Variants in FTO observed in about 807,000 individuals in gnomAD.
FTO encodes the protein alpha-ketoglutarate-dependent dioxygenase FTO.
FTO carries 47 observed loss-of-function variants against 63.9 expected under a neutral mutation model. The observed-to-expected ratio is 0.74, with a 90% CI of 0.58 to 0.94. The LOEUF (loss-of-function observed/expected upper bound fraction) is 0.94, where lower values mean the gene tolerates loss of function less well. Among genes scored for constraint, FTO ranks in the 40% least tolerant of loss-of-function variants. FTO has a pLI of 0.00. For synonymous variants in FTO, 207 were observed against 224.4 expected, an observed-to-expected ratio of 0.92 and a Z score of 0.69; for missense variants, 562 against 618.1, an observed-to-expected ratio of 0.91 and a Z score of 0.96.
At chr16:53,931,242 T>C (rs959335112) in intron 7 of FTO, among the ~76,000 whole-genome samples, 2 of 152,130 alleles carry the variant, frequency 1.3e-5, no homozygotes, top group Admixed American at 1.3e-4. Context: ...ATTTGATGCA[T>C]TTTTGCATTT....
chr16:53,913,261 C>T (rs1683496175), intron 7 of FTO, among the ~76,000 whole-genome samples: 1 of 152,200 alleles, frequency 6.6e-6, no homozygotes, highest in South Asian at 2.1e-4. Context: ...GGATCATCTC[C>T]AGCAGCTTTG....
intron 1 of FTO, among the ~76,000 whole-genome samples, chr16:53,738,273 C>T (rs1314354692): frequency 6.6e-6 from 1 of 152,146 alleles, no homozygotes; most frequent in Admixed American, 6.5e-5. Flanking sequence ...CTGCCCACCT[C>T]AGCTTCCCAA....
In FTO at chr16:53,934,092, G is replaced by A. The variant is rs2082337419; in HGVS notation, c.1347G>A (p.Arg449=). The stretch of plus-strand genomic sequence containing the variant: ...CGCTCACTGCACGCCAGAACCTGAG[G>A]AGAGAATGGCATGCCAGGTTAGTTC... The part of the protein sequence containing the change: ...LASLTARQNL[R]REWHARCQSR... Residue 449 remains arginine (R), a synonymous_variant, in exon 8 of 9, where the codon AGG becomes AGA. Transcript: ENST00000471389. 7.4e-6 allele frequency: 12 copies of A among 1,614,174 alleles called. No homozygotes were observed. The highest frequency in any genetic ancestry group is 1.0e-5 in the Non-Finnish European group (12 of 1,179,998).
At chr16:53,857,877 C>G (rs950722885) in intron 4 of FTO, among the ~76,000 whole-genome samples, 1 of 152,218 alleles carries the variant, frequency 6.6e-6, no homozygotes, top group East Asian at 1.9e-4. Context: ...TACAAGGAGA[C>G]AAGTGCTATT....
chr16:53,857,327 A>G (rs1218871017), intron 4 of FTO, among the ~76,000 whole-genome samples: 1 of 152,018 alleles, frequency 6.6e-6, no homozygotes, highest in Non-Finnish European at 1.5e-5. Flanking sequence ...ATAAGAGAGA[A>G]CGTGCAGTAT....
chr16:54,016,241 C>T (rs867128765), intron 8 of FTO, among the ~76,000 whole-genome samples: 2 of 147,584 alleles, frequency 1.4e-5, no homozygotes, highest in Middle Eastern at 7.2e-3. Context: ...TGTCTGCCAA[C>T]ATGACAAACC....
chr16:54,095,530 G>A (rs2086497066), intron 8 of FTO, among the ~76,000 whole-genome samples: 1 of 142,848 alleles, frequency 7.0e-6, no homozygotes, highest in South Asian at 2.5e-4. Context: ...TACATTGTGT[G>A]GCAGGCAGAG....
chr16:53,955,761 A>T (rs16952686), intron 8 of FTO, among the ~76,000 whole-genome samples: 1 of 152,146 alleles, frequency 6.6e-6, no homozygotes, highest in African/African-American at 2.4e-5. Context: ...AACATTGACC[A>T]TAAGTACATC....
intron 8 of FTO, 75 bp downstream of exon 8, chr16:53,934,184 G>A: frequency 6.6e-6 from 10 of 1,515,918 alleles, no homozygotes; most frequent in Non-Finnish European, 9.1e-6. Context: ...CTTCCTTATG[G>A]CTGGCCTCAT....
Position 53,882,001 on chromosome 16 carries a change from C to T in FTO, c.1119+2014C>T, listed in dbSNP as rs558213143. 4.6e-5 allele frequency among the ~76,000 whole-genome samples: 7 copies of T among 152,168 alleles called. No individual in the cohort carries two copies. The South Asian group carries it at 6.2e-4, about 14-fold the overall frequency. ...GTGGTAATGGTTGCACAGCTTTATA[C>T]ATTTTCTAATAATTATTGGATTCTG... On this transcript the variant is annotated intron_variant, in intron 6 of 8. Transcript: ENST00000471389.
At chr16:53,880,111 C>A in intron 6 of FTO, 124 bp downstream of exon 6, 1 of 718,298 alleles carries the variant, frequency 1.4e-6, no homozygotes, top group Non-Finnish European at 2.4e-6. Flanking sequence ...CCTCCTGTCT[C>A]AAGCTCCCGA....
At chr16:53,857,443 TCTCTCTC>T in intron 4 of FTO, among the ~76,000 whole-genome samples, 1 of 147,858 alleles carries the variant, frequency 6.8e-6, no homozygotes, top group African/African-American at 2.5e-5. Flanking sequence ...GAACCTGGTC[TCTCTCTC>T]TCTCTCTCTC....
chr16:53,839,516 G>A (rs17819063), intron 3 of FTO, among the ~76,000 whole-genome samples: 12,205 of 152,146 alleles, frequency 0.08, 685 homozygotes, highest in Non-Finnish European at 0.11. Flanking sequence ...TTACTGAGCA[G>A]ATTTCAAAGG....
At position 53,826,317 on chromosome 16, in the gene FTO, A is replaced by G. The variant is rs1212033225; in HGVS notation, c.577A>G (p.Ile193Val). The change falls in exon 3 of 9, where the codon ATT becomes GTT. Residue 193 changes from isoleucine to valine, a missense_variant. Coordinates refer to ENST00000471389, the MANE Select transcript of FTO (RefSeq NM_001080432.3). ...SSYNGQDEVDIKSRAAYNVTL... is the reference protein window; with the variant it reads ...SSYNGQDEVDVKSRAAYNVTL... ...CTACAACGGACAAGATGAAGTGGAC[A>G]TTAAGAGCAGAGCAGCATACAACGT... The G allele has an allele frequency of 1.9e-6, 3 of 1,614,122 alleles. No individual in the cohort carries two copies. The highest frequency in any genetic ancestry group is 1.3e-5 in the African/African-American group (1 of 74,940).
At chr16:53,956,594 A>G (rs1400283690) in intron 8 of FTO, 1 of 152,128 alleles carries the variant, frequency 6.6e-6, no homozygotes, top group African/African-American at 2.4e-5. Flanking sequence ...TTTCCCACAG[A>G]CAAGCAGAAA....
In FTO at chr16:53,873,870, G is replaced by A. The variant is rs977872095; in HGVS notation, c.975+5G>A. 1.2e-6 allele frequency: 2 copies of A among 1,608,636 alleles called. No individual in the cohort carries two copies. The highest frequency in any genetic ancestry group is 1.7e-6 in the Non-Finnish European group (2 of 1,175,610). ...TCCACCCACCGAGTGGCAGAGGTAA[G>A]TGTAAATAAAAATGTGATTCACACC... On this transcript the variant is annotated splice_donor_5th_base_variant and intron_variant, in intron 5 of 8. Transcript: ENST00000471389.
At chr16:53,810,047 A>C (rs1320992416) in intron 1 of FTO, 93 bp from the exon 2 acceptor site, 1 of 798,544 alleles carries the variant, frequency 1.3e-6, no homozygotes, top group African/African-American at 1.7e-5. Flanking sequence ...AGTTGGCTAA[A>C]ATTTGTTTGT....
intron 8 of FTO, among the ~76,000 whole-genome samples, chr16:54,001,544 T>C (rs1180321115): frequency 1.3e-5 from 2 of 152,218 alleles, no homozygotes; most frequent in African/African-American, 4.8e-5. Flanking sequence ...GAAAGTGATA[T>C]AGTGGGTTAC....
chr16:53,857,593 A>G (rs535831580), intron 4 of FTO, among the ~76,000 whole-genome samples: 46 of 152,052 alleles, frequency 3.0e-4, no homozygotes, highest in Non-Finnish European at 5.3e-4. Context: ...CCACCCTATC[A>G]CTGGGGTTCA....
Sources: allele counts gnomAD v4.1 joint callset (sites outside exome capture counted in the v4.1 genomes callset), GRCh38; gene constraint gnomAD v4.1.1; transcripts MANE v1.5; gene names NCBI Gene and HGNC (gene_info 2026-07-23, HGNC 2026-07-21).